CCSER1: variants seen among roughly 807,000 people sequenced by gnomAD.
The protein encoded by CCSER1 is serine-rich coiled-coil domain-containing protein 1.
Under a neutral mutation model 82.0 loss-of-function variants are expected in CCSER1, and 41 were observed. The observed-to-expected ratio is 0.50, with a 90% CI of 0.39 to 0.65. The LOEUF (loss-of-function observed/expected upper bound fraction) is 0.65, where lower values mean the gene tolerates loss of function less well. Ranked by LOEUF, CCSER1 falls within the 30% of genes least tolerant of loss-of-function variation. CCSER1 has a pLI of 0.00. For missense variants in CCSER1, 1,119 were observed against 1,064.2 expected (o/e 1.05, Z -0.72); for synonymous variants, 414 against 383.9 (o/e 1.08, Z -0.92).
intron 5 of CCSER1, among the ~76,000 whole-genome samples, chr4:90,480,122 G>T (rs1191568612): frequency 6.6e-6 from 1 of 152,164 alleles, no homozygotes; most frequent in Non-Finnish European, 1.5e-5. Context: ...TTTCTCTGAT[G>T]GCCAGTGATG....
intron 8 of CCSER1, among the ~76,000 whole-genome samples, chr4:90,879,408 C>T (rs1247221090): frequency 6.6e-6 from 1 of 151,868 alleles, no homozygotes; most frequent in Middle Eastern, 3.2e-3. Context: ...AATTCTATTC[C>T]TGTCATTGCA....
intron 10 of CCSER1, among the ~76,000 whole-genome samples, chr4:91,284,351 G>T (rs539927770): frequency 6.6e-5 from 10 of 151,718 alleles, no homozygotes; most frequent in East Asian, 5.8e-4. Flanking sequence ...AACAATGTTG[G>T]TTTTTTTTCC....
chr4:91,357,782 TATTACAAAC>T (rs1748948178), intron 10 of CCSER1, among the ~76,000 whole-genome samples: 1 of 148,170 alleles, frequency 6.7e-6, no homozygotes, highest in Non-Finnish European at 1.5e-5. Flanking sequence ...CTTTCTGACT[TATTACAAAC>T]ATTTTTTTTT....
chr4:91,590,015 A>G (rs1764191677), intron 10 of CCSER1, among the ~76,000 whole-genome samples: 1 of 152,032 alleles, frequency 6.6e-6, no homozygotes, highest in Admixed American at 6.6e-5. Context: ...AACAGTCAAA[A>G]CATATGCCTA....
chr4:90,582,181 TA>T (rs1369337450), intron 5 of CCSER1, among the ~76,000 whole-genome samples: 1 of 152,104 alleles, frequency 6.6e-6, no homozygotes, highest in Non-Finnish European at 1.5e-5. Context: ...ATTGTTAGCG[TA>T]AACTATCTGA....
intron 10 of CCSER1, among the ~76,000 whole-genome samples, chr4:91,532,377 A>G (rs1165099350): frequency 6.7e-6 from 1 of 148,270 alleles, no homozygotes; most frequent in Non-Finnish European, 1.5e-5. Flanking sequence ...TCATCTAGCT[A>G]TAAATATAGT....
At chr4:91,231,606 G>GA (rs939751373) in intron 10 of CCSER1, among the ~76,000 whole-genome samples, 1 of 148,434 alleles carries the variant, frequency 6.7e-6, no homozygotes, top group Admixed American at 6.6e-5. Flanking sequence ...CAATTAAAAA[G>GA]AAAAAAGATA....
intron 10 of CCSER1, among the ~76,000 whole-genome samples, chr4:91,455,661 C>T (rs926668807): frequency 3.3e-5 from 5 of 152,204 alleles, no homozygotes; most frequent in Admixed American, 2.0e-4. Context: ...TGGACTAAGA[C>T]GCCCCCAACC....
At chr4:90,433,876 A>ATG (rs1173687320) in intron 4 of CCSER1, among the ~76,000 whole-genome samples, 1 of 151,712 alleles carries the variant, frequency 6.6e-6, no homozygotes, top group African/African-American at 2.4e-5. Context: ...GGAGATATAT[A>ATG]TATATATATA....
intron 10 of CCSER1, among the ~76,000 whole-genome samples, chr4:91,556,173 T>C (rs1248521874): frequency 6.6e-6 from 1 of 151,218 alleles, no homozygotes; most frequent in Non-Finnish European, 1.5e-5. Flanking sequence ...GCCCAAGAAA[T>C]GAGTGAATGC....
At chr4:90,555,826 A>G (rs1425156704) in intron 5 of CCSER1, among the ~76,000 whole-genome samples, 1 of 152,064 alleles carries the variant, frequency 6.6e-6, no homozygotes, top group Non-Finnish European at 1.5e-5. Flanking sequence ...TTTATATTCA[A>G]GGTCATGAAC....
At chr4:91,529,288 G>A (rs1047679938) in intron 10 of CCSER1, among the ~76,000 whole-genome samples, 1 of 151,976 alleles carries the variant, frequency 6.6e-6, no homozygotes, top group Non-Finnish European at 1.5e-5. Flanking sequence ...TTTTTTGTTT[G>A]CTTGTTTTTA....
At chr4:90,630,119 C>G (rs1176141111) in intron 6 of CCSER1, among the ~76,000 whole-genome samples, 1 of 137,364 alleles carries the variant, frequency 7.3e-6, no homozygotes, top group Non-Finnish European at 1.5e-5. Flanking sequence ...TAGCACATTA[C>G]TATGTGTATA....
At chr4:90,875,003 A>C (rs1299410305) in intron 8 of CCSER1, among the ~76,000 whole-genome samples, 1 of 152,080 alleles carries the variant, frequency 6.6e-6, no homozygotes, top group Admixed American at 6.6e-5. Flanking sequence ...CTGAGATTGC[A>C]CCATTGCACA....
At chr4:90,898,001 T>A (rs1723979858) in intron 8 of CCSER1, among the ~76,000 whole-genome samples, 1 of 152,026 alleles carries the variant, frequency 6.6e-6, no homozygotes, top group Non-Finnish European at 1.5e-5. Flanking sequence ...TTATAAATTT[T>A]GAATCTTAGT....
chr4:90,273,362 A>T (rs1726946100), intron 1 of CCSER1, among the ~76,000 whole-genome samples: 3 of 152,164 alleles, frequency 2.0e-5, no homozygotes, highest in Admixed American at 2.0e-4. Context: ...TAATTGAAAG[A>T]ATATAATTGT....
intron 4 of CCSER1, among the ~76,000 whole-genome samples, chr4:90,451,255 T>C (rs539905948): frequency 1.4e-3 from 218 of 152,264 alleles, no homozygotes; most frequent in African/African-American, 5.0e-3. Context: ...CTCAGAGCCT[T>C]TCTCTGTTCA....
At chr4:90,734,361 G>A (rs1381183341) in intron 7 of CCSER1, among the ~76,000 whole-genome samples, 2 of 152,034 alleles carry the variant, frequency 1.3e-5, no homozygotes, top group South Asian at 2.1e-4. Context: ...TCCTGACCTC[G>A]TGATCTGCCC....
chr4:90,275,906 A>G (rs1727448690), intron 1 of CCSER1, among the ~76,000 whole-genome samples: 1 of 152,208 alleles, frequency 6.6e-6, no homozygotes, highest in South Asian at 2.1e-4. Flanking sequence ...CCTTTGTGAA[A>G]TATAAATTAA....
Sources: allele counts gnomAD v4.1 joint callset (sites outside exome capture counted in the v4.1 genomes callset), GRCh38; gene constraint gnomAD v4.1.1; transcripts MANE v1.5; gene names NCBI Gene and HGNC (gene_info 2026-07-23, HGNC 2026-07-21).